The following MYL1 variants were observed in gnomAD, a reference collection of about 807,000 sequenced individuals.
MYL1 encodes myosin light chain 1, also known as myosin light chain 1/3, skeletal muscle isoform.
Under a neutral mutation model 21.8 loss-of-function variants are expected in MYL1, and 16 were observed. The ratio of observed to expected loss-of-function variants is 0.74; its 90% confidence interval spans 0.50 to 1.12. MYL1 has a LOEUF of 1.12. Among genes scored for constraint, MYL1 ranks in the 50% most tolerant of loss-of-function variants. The pLI is 0.00. For missense variants in MYL1, 246 were observed against 241.0 expected (o/e 1.02, Z -0.14); for synonymous variants, 99 against 85.2 (o/e 1.16, Z -0.89).
intron 1 of MYL1, chr2:210,302,793 C>A (rs1278923683): frequency 1.9e-6 from 3 of 1,562,784 alleles, no homozygotes; most frequent in Admixed American, 3.8e-5. Flanking sequence ...CACTGAAGGA[C>A]TGCAGTGGCG....
chr2:210,301,584 A>T (rs1458217432), intron 2 of MYL1, among the ~76,000 whole-genome samples: 1 of 151,918 alleles, frequency 6.6e-6, no homozygotes, highest in African/African-American at 2.4e-5. Flanking sequence ...TTTGAAGCTA[A>T]TTTTTTCTCC....
chr2:210,291,613 T>A (rs934161447), intron 5 of MYL1, among the ~76,000 whole-genome samples: 2 of 152,170 alleles, frequency 1.3e-5, no homozygotes, highest in African/African-American at 2.4e-5. Context: ...ACTCTATACA[T>A]TGTTTTGTAT....
intron 6 of MYL1, among the ~76,000 whole-genome samples, chr2:210,290,694 C>CA (rs1279690523): frequency 6.6e-6 from 1 of 152,002 alleles, no homozygotes. Flanking sequence ...TTTGGTTATC[C>CA]AAAAAACGTT....
At position 210,292,365 on chromosome 2, in the gene MYL1, G is replaced by A. The variant is rs571338353; in HGVS notation, c.557-1291C>T. Among the ~76,000 whole-genome samples the A allele has an allele frequency of 6.5e-4, 99 of 151,458 alleles. 1 individual carries two copies. The South Asian group carries it at 0.019, about 29-fold the overall frequency. The stretch of plus-strand genomic sequence containing the variant: ...TGGATTTACAGGCGTGAGCCACCAC[G>A]CCCAGCTGTCAGTGTAGTTTTAATT... On this transcript the variant is annotated intron_variant, in intron 5 of 6. Transcript: ENST00000352451.
At chr2:210,309,501 C>A (rs1690386617) in intron 1 of MYL1, among the ~76,000 whole-genome samples, 1 of 151,934 alleles carries the variant, frequency 6.6e-6, no homozygotes, top group South Asian at 2.1e-4. Context: ...ATATAATATA[C>A]CTTTTAACTA....
intron 2 of MYL1, among the ~76,000 whole-genome samples, chr2:210,301,527 T>C (rs1031642484): frequency 6.6e-6 from 1 of 152,076 alleles, no homozygotes; most frequent in Non-Finnish European, 1.5e-5. Context: ...CTAATATATG[T>C]AATATAGACA....
At chr2:210,298,605 T>C in intron 2 of MYL1, 42 bp from the exon 3 acceptor site, 1 of 1,609,868 alleles carries the variant, frequency 6.2e-7, no homozygotes, top group Non-Finnish European at 8.5e-7. Context: ...TTTCTTCCTC[T>C]AACCTATTAA....
At position 210,315,004 on chromosome 2, in the gene MYL1, C is replaced by A. The variant is rs774172250; in HGVS notation, c.39G>T (p.Ala13=). The change falls in exon 1 of 7, where the codon GCG becomes GCT. Residue 13 remains alanine, a synonymous_variant. Coordinates refer to ENST00000352451, the MANE Select transcript of MYL1 (RefSeq NM_079420.3). ...GTGCCGGGGCTGGGGCAGCCGCAGC[C>A]GCAGCCACAGGTTTCTTCACGTCTT... ...PKKDVKKPVA[A]AAAAPAPAPA... The A allele has an allele frequency of 1.4e-5, 23 of 1,606,552 alleles. No individual in the cohort carries two copies. The East Asian group carries it at 4.9e-4, about 34-fold the overall frequency.
At chr2:210,291,189 CT>C (rs1241377164) in intron 5 of MYL1, 115 bp from the exon 6 acceptor site, 2 of 815,144 alleles carry the variant, frequency 2.5e-6, no homozygotes, top group Non-Finnish European at 2.0e-6. Flanking sequence ...ACAATAGTTT[CT>C]TTTCTTTTGT....
At chr2:210,305,017 A>T (rs1191866056) in intron 1 of MYL1, among the ~76,000 whole-genome samples, 2 of 152,238 alleles carry the variant, frequency 1.3e-5, no homozygotes, top group African/African-American at 2.4e-5. Flanking sequence ...AGTTTTCTAC[A>T]TGTTTAAAGC....
At chr2:210,298,663 A>C in intron 2 of MYL1, 100 bp from the exon 3 acceptor site, 2 of 1,271,122 alleles carry the variant, frequency 1.6e-6, no homozygotes, top group South Asian at 2.9e-5. Flanking sequence ...TCAGTTTTAC[A>C]ACTTCTGCCA....
Position 210,294,202 on chromosome 2 carries a change from A to G in MYL1, c.478+43T>C, listed in dbSNP as rs185821586. The G allele has an allele frequency of 1.3e-4, 198 of 1,537,502 alleles. No individual in the cohort carries two copies. The East Asian group carries it at 4.6e-3, about 36-fold the overall frequency. On this transcript the variant is annotated intron_variant, in intron 4 of 6. Coordinates refer to ENST00000352451, the MANE Select transcript of MYL1 (RefSeq NM_079420.3). ...TGATTCTCCTGTCATGTTCTTTTCT[A>G]TATATTCTGTCTCACTAAGTCCACT...
chr2:210,313,995 A>G (rs1690453801), intron 1 of MYL1, among the ~76,000 whole-genome samples: 1 of 152,130 alleles, frequency 6.6e-6, no homozygotes, highest in African/African-American at 2.4e-5. Context: ...TCAAGTTGTA[A>G]TATGAGCCAA....
intron 3 of MYL1, among the ~76,000 whole-genome samples, chr2:210,295,922 T>G (rs1690167141): frequency 1.3e-5 from 2 of 152,122 alleles, no homozygotes; most frequent in Non-Finnish European, 2.9e-5. Context: ...TTCTACATGA[T>G]GTAATTGGAA....
intron 1 of MYL1, among the ~76,000 whole-genome samples, chr2:210,305,832 G>T (rs1219221947): frequency 2.0e-5 from 3 of 151,852 alleles, no homozygotes; most frequent in Non-Finnish European, 4.4e-5. Flanking sequence ...AGGCCGAGGC[G>T]GGCGGATCAC....
At chr2:210,303,688 G>C in intron 1 of MYL1, 1 of 1,224,510 alleles carries the variant, frequency 8.2e-7, no homozygotes, top group Non-Finnish European at 1.1e-6. Flanking sequence ...TCAGGTTTCA[G>C]AGATAAGTTG....
intron 2 of MYL1, among the ~76,000 whole-genome samples, chr2:210,300,620 C>A (rs893572491): frequency 1.1e-4 from 17 of 152,134 alleles, no homozygotes; most frequent in African/African-American, 3.6e-4. Context: ...TGTTGTCATT[C>A]TGGGCTGCCC....
chr2:210,295,184 T>G (rs1690154320), intron 3 of MYL1, among the ~76,000 whole-genome samples: 1 of 152,236 alleles, frequency 6.6e-6, no homozygotes, highest in Admixed American at 6.5e-5. Flanking sequence ...CAAATTTTTT[T>G]TACTACTTGT....
intron 1 of MYL1, among the ~76,000 whole-genome samples, chr2:210,306,413 T>C (rs78379980): frequency 0.019 from 2,939 of 152,014 alleles, 98 homozygotes; most frequent in African/African-American, 0.067. Flanking sequence ...ATTTATGTTA[T>C]GAATAAGCTA....
Sources: gnomAD v4.1 joint callset for allele counts (sites outside exome capture counted in the v4.1 genomes callset) on GRCh38, gnomAD v4.1.1 for gene constraint, MANE v1.5 for transcripts, NCBI Gene and HGNC (gene_info 2026-07-23, HGNC 2026-07-21) for gene names.